The following KCTD16 variants were observed in gnomAD, a reference collection of about 807,000 sequenced individuals.
The protein encoded by KCTD16 is potassium channel tetramerization domain containing 16, also known as BTB/POZ domain-containing protein KCTD16.
Under a neutral mutation model 33.2 loss-of-function variants are expected in KCTD16, and 13 were observed. The ratio of observed to expected loss-of-function variants is 0.39; its 90% CI spans 0.25 to 0.62. The LOEUF is 0.62. Ranked by LOEUF, KCTD16 falls within the 20% of genes least tolerant of loss-of-function variation. The probability of loss-of-function intolerance (pLI) is 0.50; values close to 1 mark genes in which losing one functional copy is unlikely to be tolerated. For synonymous variants in KCTD16, 197 were observed against 195.3 expected (o/e 1.01, Z -0.07); for missense variants, 441 against 525.1 (o/e 0.84, Z 1.57).
In KCTD16 at chr5:144,476,226, A is replaced by G. The variant is rs1754591849; in HGVS notation, c.*2112A>G. The G allele has an allele frequency of 6.6e-6, 1 of 152,188 alleles. No homozygotes were observed. The highest frequency in any genetic ancestry group is 2.1e-4 in the South Asian group (1 of 4,834). The allele number at this position is 152,188 out of a possible 1,614,324, so 9.4% of individuals were successfully genotyped here. A position where few individuals can be genotyped will look rare whatever the true frequency, so the allele number is the denominator to read the frequency against. ...ATATCCTGAAACTCACTTTGGTCAA[A>G]TGATTATTGTGTTGTCACTGGAAGT... On this transcript the variant is annotated 3_prime_UTR_variant, in exon 4 of 4. Transcript: ENST00000512467.
chr5:144,224,392 T>TTG (rs1753864696), intron 3 of KCTD16, among the ~76,000 whole-genome samples: 1 of 149,006 alleles, frequency 6.7e-6, no homozygotes, highest in Non-Finnish European at 1.5e-5. Context: ...TGTTTTTTTT[T>TTG]TTTTTTTTTT....
At chr5:144,224,713 C>T (rs1319293978) in intron 3 of KCTD16, among the ~76,000 whole-genome samples, 1 of 152,130 alleles carries the variant, frequency 6.6e-6, no homozygotes, top group African/African-American at 2.4e-5. Flanking sequence ...TACTGAAATC[C>T]TCCTGACTCC....
intron 3 of KCTD16, among the ~76,000 whole-genome samples, chr5:144,294,318 T>G (rs1306139850): frequency 6.6e-6 from 1 of 152,198 alleles, no homozygotes; most frequent in Admixed American, 6.5e-5. Context: ...AGCTATTGAC[T>G]TACTTTCAGT....
chr5:144,360,003 G>T (rs192533965), intron 3 of KCTD16, among the ~76,000 whole-genome samples: 1 of 152,078 alleles, frequency 6.6e-6, no homozygotes, highest in Non-Finnish European at 1.5e-5. Flanking sequence ...GTCTTCCCCA[G>T]TGATTTTTGG....
chr5:144,408,367 C>T (rs185731659), intron 3 of KCTD16, among the ~76,000 whole-genome samples: 69 of 152,302 alleles, frequency 4.5e-4, no homozygotes, highest in Admixed American at 3.8e-3. Context: ...ATTACAAAGC[C>T]TAGCTCCACA....
chr5:144,274,696 A>AG (rs1048227144), intron 3 of KCTD16, among the ~76,000 whole-genome samples: 4 of 152,176 alleles, frequency 2.6e-5, no homozygotes, highest in African/African-American at 9.7e-5. Flanking sequence ...AAGGCAGGAT[A>AG]AAGAGAATTG....
intron 3 of KCTD16, among the ~76,000 whole-genome samples, chr5:144,308,928 G>A (rs1486928592): frequency 2.0e-5 from 3 of 151,680 alleles, no homozygotes; most frequent in South Asian, 2.1e-4. Flanking sequence ...TTCCTCACAC[G>A]TGGGCTTTGA....
chr5:144,467,081 AGT>A (rs1369708618), intron 3 of KCTD16, among the ~76,000 whole-genome samples: 1 of 131,700 alleles, frequency 7.6e-6, no homozygotes, highest in Non-Finnish European at 1.6e-5. Flanking sequence ...TAATATATAT[AGT>A]GTTATATATA....
At chr5:144,299,500 G>A (rs1751364308) in intron 3 of KCTD16, among the ~76,000 whole-genome samples, 1 of 151,754 alleles carries the variant, frequency 6.6e-6, no homozygotes, top group South Asian at 2.1e-4. Flanking sequence ...GGAGTAATTG[G>A]GAAGTTCCCT....
At chr5:144,366,573 G>T (rs1751838732) in intron 3 of KCTD16, among the ~76,000 whole-genome samples, 1 of 152,142 alleles carries the variant, frequency 6.6e-6, no homozygotes, top group African/African-American at 2.4e-5. Context: ...ATGTTTGCAG[G>T]CAATCTATGA....
intron 3 of KCTD16, among the ~76,000 whole-genome samples, chr5:144,433,053 T>C (rs1217976637): frequency 1.3e-5 from 2 of 152,118 alleles, no homozygotes; most frequent in Non-Finnish European, 2.9e-5. Context: ...GAACCACGTG[T>C]GTACCTAAGT....
intron 3 of KCTD16, among the ~76,000 whole-genome samples, chr5:144,245,512 G>A (rs2126825629): frequency 6.6e-6 from 1 of 152,304 alleles, no homozygotes; most frequent in African/African-American, 2.4e-5. Context: ...GAACTCAAAA[G>A]GGTCCAGAAT....
chr5:144,425,021 A>G (rs907238476), intron 3 of KCTD16, among the ~76,000 whole-genome samples: 5 of 152,152 alleles, frequency 3.3e-5, no homozygotes, highest in African/African-American at 1.2e-4. Flanking sequence ...TCACAAGTCC[A>G]AAGTCCAGAG....
intron 3 of KCTD16, among the ~76,000 whole-genome samples, chr5:144,347,206 G>A (rs527930774): frequency 2.6e-5 from 4 of 152,198 alleles, no homozygotes; most frequent in South Asian, 2.1e-4. Flanking sequence ...AGAATTATTC[G>A]ACTTCAATAC....
intron 3 of KCTD16, among the ~76,000 whole-genome samples, chr5:144,444,562 T>C (rs1444744079): frequency 3.9e-5 from 6 of 152,012 alleles, no homozygotes; most frequent in Admixed American, 3.9e-4. Context: ...GCCCTCACAT[T>C]TTACAGTTAA....
At chr5:144,185,848 A>G (rs957373355) in intron 2 of KCTD16, among the ~76,000 whole-genome samples, 4 of 152,316 alleles carry the variant, frequency 2.6e-5, no homozygotes, top group East Asian at 3.9e-4. Context: ...TATATAATAA[A>G]TGCTGTCCTA....
At chr5:144,374,166 A>G (rs915135521) in intron 3 of KCTD16, among the ~76,000 whole-genome samples, 5 of 152,222 alleles carry the variant, frequency 3.3e-5, no homozygotes, top group African/African-American at 1.2e-4. Context: ...TAGAATTTGG[A>G]CGTCTTTGTG....
chr5:144,275,366 T>G (rs899567761), intron 3 of KCTD16, among the ~76,000 whole-genome samples: 6 of 152,184 alleles, frequency 3.9e-5, no homozygotes, highest in Non-Finnish European at 5.9e-5. Flanking sequence ...CCAGAGCACA[T>G]TCTCTTTCTT....
At chr5:144,261,966 A>G (rs1298079500) in intron 3 of KCTD16, among the ~76,000 whole-genome samples, 1 of 152,184 alleles carries the variant, frequency 6.6e-6, no homozygotes, top group Admixed American at 6.5e-5. Flanking sequence ...TATCCATTTC[A>G]TAAATATTTA....
Sources: gnomAD v4.1 joint callset for allele counts (sites outside exome capture counted in the v4.1 genomes callset) on GRCh38, gnomAD v4.1.1 for gene constraint, MANE v1.5 for transcripts, NCBI Gene and HGNC (gene_info 2026-07-23, HGNC 2026-07-21) for gene names.